Variants in DDX18 observed in about 807,000 individuals in gnomAD.
The protein encoded by DDX18 is ATP-dependent RNA helicase DDX18.
DDX18 carries 23 observed loss-of-function variants against 73.5 expected under a neutral mutation model. That is an observed-to-expected ratio of 0.31 (90% confidence interval 0.23 to 0.44). The LOEUF is 0.44. Ranked by LOEUF, DDX18 falls within the 20% of genes least tolerant of loss-of-function variation. The pLI is 1.00. For missense variants in DDX18, 753 were observed against 792.9 expected (o/e 0.95, Z 0.60); for synonymous variants, 268 against 282.7 (o/e 0.95, Z 0.52).
chr2:117,829,179 C>A (rs761381442), intron 12 of DDX18, 110 bp from the exon 13 acceptor site: 10 of 1,260,958 alleles, frequency 7.9e-6, no homozygotes, highest in Non-Finnish European at 1.1e-5. Flanking sequence ...TCTGTGCCCT[C>A]TTTAAATGTT....
At chr2:117,829,802 T>C (rs1236914466) in intron 13 of DDX18, among the ~76,000 whole-genome samples, 1 of 152,204 alleles carries the variant, frequency 6.6e-6, no homozygotes, top group Non-Finnish European at 1.5e-5. Flanking sequence ...CAGTGTTTGC[T>C]GAGGCTGCAC....
intron 7 of DDX18, among the ~76,000 whole-genome samples, chr2:117,824,072 A>G (rs1679886438): frequency 6.6e-6 from 1 of 152,320 alleles, no homozygotes; most frequent in African/African-American, 2.4e-5. Context: ...CAAATTTTGT[A>G]TATGTGCTCA....
chr2:117,828,625 G>T (rs1679972977), intron 11 of DDX18: 1 of 228,036 alleles, frequency 4.4e-6, no homozygotes, highest in African/African-American at 2.3e-5. Context: ...TGGAGAAAAG[G>T]GGCTGATGGC....
intron 10 of DDX18, 155 bp downstream of exon 10, chr2:117,825,754 G>A (rs973583318): frequency 1.2e-6 from 1 of 813,642 alleles, no homozygotes; most frequent in African/African-American, 1.7e-5. Context: ...AAGTACTTAA[G>A]GCTTTTCAGG....
At position 117,817,343 on chromosome 2, in the gene DDX18, A is replaced by G. The variant is rs1258421154; in HGVS notation, c.86-101A>G. On this transcript the variant is annotated intron_variant, in intron 1 of 13. Coordinates refer to ENST00000263239, the MANE Select transcript of DDX18 (RefSeq NM_006773.4). ...CATGAAAGAGAAGAAAATCTAAATAATTTGTGTCAGGAAGCCATGGAAGTT... is the reference window on the plus strand; with the variant it reads ...CATGAAAGAGAAGAAAATCTAAATAGTTTGTGTCAGGAAGCCATGGAAGTT... The G allele has an allele frequency of 1.1e-5, 12 of 1,123,456 alleles. No individual in the cohort carries two copies. The East Asian group carries it at 3.0e-4, about 28-fold the overall frequency. 69.6% of individuals were successfully genotyped at this position (1,123,456 alleles called of 1,614,324 possible). A position where few individuals can be genotyped will look rare whatever the true frequency, so the allele number is the denominator to read the frequency against.
In DDX18 at chr2:117,821,354, A is replaced by G. The variant is rs1679844375; in HGVS notation, c.650+58A>G. Reference sequence around the variant, plus strand: ...TCTATTTTTAGAACTAGTAGATGATAAAGAACATACCAGTATATTCTGTTG... The same window carrying G: ...TCTATTTTTAGAACTAGTAGATGATGAAGAACATACCAGTATATTCTGTTG... On this transcript the variant is annotated intron_variant, in intron 4 of 13. Coordinates refer to ENST00000263239, the MANE Select transcript of DDX18 (RefSeq NM_006773.4). The G allele has an allele frequency of 3.9e-6, 6 of 1,551,702 alleles. 1 individual carries two copies. The highest frequency in any genetic ancestry group is 3.7e-5 in the South Asian group (3 of 80,636).
At position 117,829,343 on chromosome 2, in the gene DDX18, T is replaced by C; in HGVS notation, c.1747T>C (p.Tyr583His). ...YFLHKSAQEAYKSYIRAYDSH... is the reference protein window; with the variant it reads ...YFLHKSAQEAHKSYIRAYDSH... ...TCTTCATAAGTCAGCCCAGGAAGCA[T>C]ATAAGTCATACATACGAGCCTATGA... The change falls in exon 13 of 14, where the codon TAT (tyrosine) becomes CAT (histidine). Residue 583 changes from tyrosine (Y) to histidine (H), a missense_variant. This residue lies in a region of DDX18 where 402 missense variants were observed against 419.4 expected (regional missense o/e 0.96). Coordinates refer to ENST00000263239, the MANE Select transcript of DDX18 (RefSeq NM_006773.4). 1 of 1,613,778 alleles carries C rather than the reference T, an allele frequency of 6.2e-7. No homozygotes were observed. Among genetic ancestry groups the C allele is most frequent in the Non-Finnish European group, 8.5e-7 (1 of 1,179,898 alleles).
At position 117,825,709 on chromosome 2, in the gene DDX18, C is replaced by G. The variant is rs1421352760; in HGVS notation, c.1521+110C>G. The G allele has an allele frequency of 3.1e-6, 4 of 1,307,380 alleles. No individual in the cohort carries two copies. The Admixed American group carries it at 6.3e-5, about 21-fold the overall frequency. 81.0% of individuals were successfully genotyped at this position (1,307,380 alleles called of 1,614,324 possible). ...TCCACATTCAAGGTAAAGATCCCTACTATACAGTGACTGCAGTATTTCTCT... is the reference window on the plus strand; with the variant it reads ...TCCACATTCAAGGTAAAGATCCCTAGTATACAGTGACTGCAGTATTTCTCT... On this transcript the variant is annotated intron_variant, in intron 10 of 13. Coordinates refer to ENST00000263239, the MANE Select transcript of DDX18 (RefSeq NM_006773.4).
At chr2:117,818,899 T>C (rs1558731895) in intron 2 of DDX18, among the ~76,000 whole-genome samples, 1 of 152,176 alleles carries the variant, frequency 6.6e-6, no homozygotes, top group Non-Finnish European at 1.5e-5. Flanking sequence ...TATCTGTGGC[T>C]TTTGAACATG....
chr2:117,826,238 C>T (rs542898403), intron 10 of DDX18, 31 bp from the exon 11 acceptor site: 8 of 1,593,792 alleles, frequency 5.0e-6, no homozygotes, highest in African/African-American at 4.0e-5. Flanking sequence ...GAAGTCACTG[C>T]GTTAACTCAG....
rs757840563 is a variant in DDX18, at chr2:117,828,999, G to T, written c.1686G>T (p.Gln562His). ...CCTGGTCTAAAATTTCTGACATTCA[G>T]TCTCAGGTATGTGCTTTTTAAACGT... ...DFSWSKISDI[Q>H]SQLEKLIEKN... Residue 562 changes from glutamine to histidine, a missense_variant, in exon 12 of 14, where the codon CAG (glutamine) becomes CAT (histidine). Coordinates refer to ENST00000263239, the MANE Select transcript of DDX18 (RefSeq NM_006773.4). 5 of 1,612,282 alleles carry T rather than the reference G, an allele frequency of 3.1e-6. No homozygotes were observed. The African/African-American group carries it at 5.3e-5, about 17-fold the overall frequency.
rs34228045 is a variant in DDX18 at position 117,829,456 on chromosome 2, C to A, written c.1860C>A (p.Phe620Leu). The change falls in exon 13 of 14, where the codon TTC (phenylalanine) becomes TTA (leucine). Residue 620 changes from phenylalanine (F) to leucine (L), a missense_variant. Coordinates refer to ENST00000263239, the MANE Select transcript of DDX18 (RefSeq NM_006773.4). ...CATTTGGTTTCAAGGTGCCTCCCTT[C>A]GTTGATCTGAGTATCCTTTTCTTTA... The part of the protein sequence containing the change: ...ALSFGFKVPP[F>L]VDLNVNSNEG... 3.7e-6 allele frequency: 6 copies of A among 1,608,808 alleles called. No homozygotes were observed. The highest frequency in any genetic ancestry group is 5.1e-6 in the Non-Finnish European group (6 of 1,178,656).
rs1288657356 is a variant in DDX18, at chr2:117,814,862, G to A, written c.85G>A (p.Gly29Arg). ...KLRQRNLKFQ[G>R]ASNLTLSETQ... is the part of the protein sequence containing the mutation. Reference sequence around the variant, plus strand: ...GCGGCAGCGGAACCTAAAGTTTCAGGGTGAGATGCGTTGACTCGCGGTGGC... The same window carrying A: ...GCGGCAGCGGAACCTAAAGTTTCAGAGTGAGATGCGTTGACTCGCGGTGGC... Residue 29 changes from glycine (G) to arginine (R), a missense_variant and splice_region_variant, in exon 1 of 14, where the codon GGG (glycine) becomes AGG (arginine). This residue lies in a region of DDX18 where 345 missense variants were observed against 352.0 expected (regional missense o/e 0.98). Coordinates refer to ENST00000263239, the MANE Select transcript of DDX18 (RefSeq NM_006773.4). 1 of 1,613,986 alleles carries A rather than the reference G, an allele frequency of 6.2e-7. No individual in the cohort carries two copies. Among genetic ancestry groups the A allele is most frequent in the Non-Finnish European group, 8.5e-7 (1 of 1,179,986 alleles).
intron 13 of DDX18, among the ~76,000 whole-genome samples, chr2:117,830,337 G>T (rs1275347741): frequency 1.3e-5 from 2 of 152,172 alleles, no homozygotes; most frequent in African/African-American, 2.4e-5. Context: ...TCGTGTGGAA[G>T]AAATAATTAA....
intron 11 of DDX18, chr2:117,828,457 T>A (rs908277345): frequency 6.6e-6 from 1 of 152,406 alleles, no homozygotes; most frequent in African/African-American, 2.4e-5. Flanking sequence ...GTACCTATTT[T>A]CTCTCTAGCA....
rs1035676587 is a variant in DDX18, at chr2:117,818,722, G to A, written c.371-927G>A. ...TTTTATTATGAGATGGGGTCTCACT[G>A]TGTTGTCCAAGCTGGTCTTGAACTC... On this transcript the variant is annotated intron_variant, in intron 2 of 13. Transcript: ENST00000263239. Among the ~76,000 whole-genome samples, 6 of 152,180 alleles carry A rather than the reference G, an allele frequency of 3.9e-5. No individual in the cohort carries two copies. The South Asian group carries it at 1.2e-3, about 32-fold the overall frequency.
At chr2:117,826,154 G>T in intron 10 of DDX18, 115 bp from the exon 11 acceptor site, 1 of 670,186 alleles carries the variant, frequency 1.5e-6, no homozygotes, top group Non-Finnish European at 2.4e-6. Context: ...GTGTGGCCCA[G>T]CACCGTGGGA....
rs1679856765 is a variant in DDX18, at chr2:117,822,185, G to A, written c.990G>A (p.Leu330=). Residue 330 remains leucine, a synonymous_variant, in exon 7 of 14, where the codon CTG becomes CTA. Coordinates refer to ENST00000263239, the MANE Select transcript of DDX18 (RefSeq NM_006773.4). Reference sequence around the variant, plus strand: ...TTATGTATAAAAACCTGCAGTGTCTGGTTATTGATGAAGCTGATCGTATCT... The same window carrying A: ...TTATGTATAAAAACCTGCAGTGTCTAGTTATTGATGAAGCTGATCGTATCT... ...PGFMYKNLQC[L]VIDEADRILD... is the part of the protein sequence containing the mutation. 6.2e-7 allele frequency: 1 copy of A among 1,613,938 alleles called. No individual in the cohort carries two copies.
chr2:117,819,634 C>A lies in DDX18; in HGVS notation c.371-15C>A. ...AAGGAAAAATTTTTTCGGATTTTGT[C>A]TTTTAAAACCAAAGATACGAAAAAA... is the stretch of plus-strand genomic sequence containing the variant. On this transcript the variant is annotated splice_polypyrimidine_tract_variant and intron_variant, in intron 2 of 13. Coordinates refer to ENST00000263239, the MANE Select transcript of DDX18 (RefSeq NM_006773.4). 1 of 1,550,446 alleles carries A rather than the reference C, an allele frequency of 6.4e-7. No homozygotes were observed.
Sources: gnomAD v4.1 joint callset for allele counts (sites outside exome capture counted in the v4.1 genomes callset) on GRCh38, gnomAD v4.1.1 for gene constraint, gnomAD v4.1.1 regional missense constraint, MANE v1.5 for transcripts, NCBI Gene and HGNC (gene_info 2026-07-23, HGNC 2026-07-21) for gene names.